Variants in NRDC observed in about 807,000 individuals in gnomAD.
NRDC encodes the protein nardilysin convertase.
A neutral mutation model predicts 147.1 loss-of-function variants in NRDC; 54 were observed. The ratio of observed to expected loss-of-function variants is 0.37; its 90% CI spans 0.29 to 0.46. The LOEUF (loss-of-function observed/expected upper bound fraction) is 0.46. Among genes scored for constraint, NRDC ranks in the 20% least tolerant of loss-of-function variants. The pLI is 1.00. For missense variants in NRDC, 1,082 were observed against 1,370.6 expected, an observed-to-expected ratio of 0.79 and a Z score of 3.33; for synonymous variants, 440 against 482.1, an observed-to-expected ratio of 0.91 and a Z score of 1.14.
chr1:51,825,634 T>C (rs1680410518), intron 5 of NRDC, among the ~76,000 whole-genome samples: 2 of 152,216 alleles, frequency 1.3e-5, no homozygotes, highest in Admixed American at 1.3e-4. Context: ...ACAAGGTAGT[T>C]AATAATCTGA....
At position 51,868,841 on chromosome 1, in the gene NRDC, G is replaced by A. The variant is rs555608567; in HGVS notation, c.341+9434C>T. Among the ~76,000 whole-genome samples, 3 of 152,244 alleles carry A rather than the reference G, an allele frequency of 2.0e-5. No homozygotes were observed. In the South Asian group the frequency reaches 6.2e-4, roughly 32 times the overall value. On this transcript the variant is annotated intron_variant, in intron 1 of 30. Coordinates refer to ENST00000352171, the MANE Select transcript of NRDC (RefSeq NM_001101662.2). The stretch of plus-strand genomic sequence containing the variant: ...TGACCTGAGATCACACCACTGCACT[G>A]CATCCTGAGAGGGAGTGAGCCACCA...
chr1:51,866,463 C>T (rs1474126066), intron 1 of NRDC, among the ~76,000 whole-genome samples: 1 of 151,854 alleles, frequency 6.6e-6, no homozygotes, highest in South Asian at 2.1e-4. Flanking sequence ...GCACAAGGAA[C>T]CATATACAGT....
chr1:51,809,946 C>T (rs1381927001), intron 16 of NRDC, among the ~76,000 whole-genome samples: 2 of 151,842 alleles, frequency 1.3e-5, no homozygotes, highest in Non-Finnish European at 2.9e-5. Flanking sequence ...TGCAGAATCT[C>T]AGGCCCTACC....
In NRDC at chr1:51,878,330, TGA is replaced by T. The variant is rs1034652736; in HGVS notation, c.284_285del (p.Leu95GlnfsTer2). 5 of 1,614,042 alleles carry T rather than the reference TGA, an allele frequency of 3.1e-6. No homozygotes were observed. In the African/African-American group the frequency reaches 5.3e-5, roughly 17 times the overall value. On this transcript the variant is annotated frameshift_variant, in exon 1 of 31. Transcript: ENST00000352171. LOFTEE classifies it high-confidence loss of function. ...ESEEEGRRGS[L>X]SNAGDPEIVK... ...ACGATCTCAGGGTCCCCAGCATTAC[TGA>T]GAGACCCCCTCCGTCCCTCTTCCTC...
In NRDC at chr1:51,791,019, A is replaced by C. The variant is rs1158521450; in HGVS notation, c.2961-29T>G. On this transcript the variant is annotated intron_variant, in intron 27 of 30. Transcript: ENST00000352171. ...AAACAAAACATCTTCAATCAGAACTAAAACAAAACATCTTCAATTAAGTCA... is the reference window on the plus strand; with the variant it reads ...AAACAAAACATCTTCAATCAGAACTCAAACAAAACATCTTCAATTAAGTCA... 6.8e-6 allele frequency: 10 copies of C among 1,479,286 alleles called. No homozygotes were observed. In the South Asian group the frequency reaches 1.1e-4, roughly 17 times the overall value. 91.6% of individuals were successfully genotyped at this position (1,479,286 alleles called of 1,614,324 possible).
chr1:51,811,783 G>T (rs72900063), intron 15 of NRDC, among the ~76,000 whole-genome samples: 5,022 of 152,202 alleles, frequency 0.033, 197 homozygotes, highest in South Asian at 0.097. Flanking sequence ...CAAGTACTGA[G>T]TTTGATTTTC....
At chr1:51,846,597 G>A (rs573495779) in intron 1 of NRDC, among the ~76,000 whole-genome samples, 6 of 152,226 alleles carry the variant, frequency 3.9e-5, no homozygotes, top group African/African-American at 7.2e-5. Flanking sequence ...CTTCCTGCCT[G>A]TGGGTTCGTA....
chr1:51,836,082 T>G (rs1680957136), intron 3 of NRDC, 49 bp downstream of exon 3: 1 of 1,388,464 alleles, frequency 7.2e-7, no homozygotes, highest in Admixed American at 1.7e-5. Context: ...CATATAAGTT[T>G]GGAGGGGGGA....
intron 13 of NRDC, 124 bp downstream of exon 13, chr1:51,814,427 A>G: frequency 2.3e-6 from 2 of 854,896 alleles, no homozygotes; most frequent in Admixed American, 4.9e-5. Flanking sequence ...GAGTCAATAA[A>G]GGAAATAGAG....
intron 1 of NRDC, among the ~76,000 whole-genome samples, chr1:51,849,026 C>A (rs1681799667): frequency 6.6e-6 from 1 of 152,102 alleles, no homozygotes; most frequent in Non-Finnish European, 1.5e-5. Context: ...GTGGGAACAT[C>A]CAATATTATA....
chr1:51,823,778 C>A lies in NRDC; in HGVS notation c.1045G>T (p.Glu349Ter). 1 of 1,591,872 alleles carries A rather than the reference C, an allele frequency of 6.3e-7. No individual in the cohort carries two copies. Among genetic ancestry groups the A allele is most frequent in the Non-Finnish European group, 8.6e-7 (1 of 1,169,172 alleles). Residue 349 changes from glutamate (E) to a stop codon, truncating the protein, a stop_gained, in exon 7 of 31, where the codon GAG (glutamate) becomes TAG (stop). Coordinates refer to ENST00000352171, the MANE Select transcript of NRDC (RefSeq NM_001101662.2). LOFTEE classifies it high-confidence loss of function. ...PMGKFFWGNA[E>*]TLKHEPRKNN... Reference sequence around the variant, plus strand: ...TTTCTTGGCTCATGCTTGAGCGTCTCAGCATTTCCTATAAAAGAATGAAAA... The same window carrying A: ...TTTCTTGGCTCATGCTTGAGCGTCTAAGCATTTCCTATAAAAGAATGAAAA...
intron 1 of NRDC, among the ~76,000 whole-genome samples, chr1:51,861,639 G>A (rs1682550005): frequency 6.6e-6 from 1 of 152,058 alleles, no homozygotes; most frequent in South Asian, 2.1e-4. Context: ...GAGCCACTGT[G>A]CCTGGCTACA....
chr1:51,817,954 A>T, intron 10 of NRDC, 112 bp downstream of exon 10: 1 of 716,972 alleles, frequency 1.4e-6, no homozygotes, highest in Non-Finnish European at 2.3e-6. Context: ...GTTCCAGGTT[A>T]CCGTATTGCT....
Position 51,856,066 on chromosome 1 carries a change from C to T in NRDC, c.342-15552G>A, listed in dbSNP as rs548286710. Among the ~76,000 whole-genome samples, 4 of 152,244 alleles carry T rather than the reference C, an allele frequency of 2.6e-5. No individual in the cohort carries two copies. In the South Asian group the frequency reaches 6.2e-4, roughly 24 times the overall value. On this transcript the variant is annotated intron_variant, in intron 1 of 30. Transcript: ENST00000352171. Reference sequence around the variant, plus strand: ...AGTGCTGATAAGTGGACAGATTATTCTCACACATTTCTGATGAATCTCAAA... The same window carrying T: ...AGTGCTGATAAGTGGACAGATTATTTTCACACATTTCTGATGAATCTCAAA...
chr1:51,859,012 G>A (rs1157230181), intron 1 of NRDC, among the ~76,000 whole-genome samples: 1 of 152,168 alleles, frequency 6.6e-6, no homozygotes, highest in African/African-American at 2.4e-5. Context: ...TTGAGCAAAT[G>A]AGGGTACAAT....
intron 18 of NRDC, among the ~76,000 whole-genome samples, chr1:51,806,091 T>C (rs887033577): frequency 6.6e-6 from 1 of 152,182 alleles, no homozygotes; most frequent in Admixed American, 6.5e-5. Flanking sequence ...TGATTCCATG[T>C]GGCTTCAATA....
intron 1 of NRDC, among the ~76,000 whole-genome samples, chr1:51,869,008 T>C (rs2124118625): frequency 6.6e-6 from 1 of 152,300 alleles, no homozygotes; most frequent in South Asian, 2.1e-4. Context: ...GGTGTGATCA[T>C]GGCTCACTAC....
At chr1:51,826,298 T>C (rs914277637) in intron 5 of NRDC, among the ~76,000 whole-genome samples, 1 of 152,204 alleles carries the variant, frequency 6.6e-6, no homozygotes, top group Admixed American at 6.5e-5. Context: ...AAATGTTTTA[T>C]TTTAAGCCAC....
At chr1:51,859,066 T>G (rs1362793882) in intron 1 of NRDC, among the ~76,000 whole-genome samples, 2 of 152,190 alleles carry the variant, frequency 1.3e-5, no homozygotes, top group Non-Finnish European at 1.5e-5. Context: ...GATATAAATT[T>G]TCTACCTTAT....
Sources: gnomAD v4.1 joint callset for allele counts (sites outside exome capture counted in the v4.1 genomes callset) on GRCh38, gnomAD v4.1.1 for gene constraint, MANE v1.5 for transcripts, NCBI Gene and HGNC (gene_info 2026-07-23, HGNC 2026-07-21) for gene names.